CHD7: variants seen among roughly 807,000 people sequenced by gnomAD.
CHD7 encodes chromodomain helicase DNA binding protein 7.
A neutral mutation model predicts 307.3 loss-of-function variants in CHD7; 24 were observed. The ratio of observed to expected loss-of-function variants is 0.08; its 90% CI spans 0.06 to 0.11. The LOEUF (loss-of-function observed/expected upper bound fraction) is 0.11, where lower values mean the gene tolerates loss of function less well. Among genes scored for constraint, CHD7 ranks in the 10% least tolerant of loss-of-function variants. CHD7 has a pLI of 1.00. For synonymous variants in CHD7, 1,363 were observed against 1,349.9 expected, an observed-to-expected ratio of 1.01 and a Z score of -0.21; for missense variants, 3,106 against 3,727.1, an observed-to-expected ratio of 0.83 and a Z score of 4.34.
At chr8:60,706,261 A>G (rs879442585) in intron 1 of CHD7, among the ~76,000 whole-genome samples, 3 of 152,210 alleles carry the variant, frequency 2.0e-5, no homozygotes, top group Non-Finnish European at 4.4e-5. Context: ...TGGGTTAGGT[A>G]GTTGAACGAT....
chr8:60,760,266 G>A (rs1000516238), intron 2 of CHD7, among the ~76,000 whole-genome samples: 9 of 152,112 alleles, frequency 5.9e-5, no homozygotes, highest in African/African-American at 1.9e-4. Flanking sequence ...TTAATAAATG[G>A]TGCTGGGAAA....
chr8:60,745,118 A>G (rs2150585191), intron 2 of CHD7, among the ~76,000 whole-genome samples: 1 of 152,080 alleles, frequency 6.6e-6, no homozygotes, highest in Admixed American at 6.5e-5. Flanking sequence ...AAGCGGACCA[A>G]AAGTACTGTC....
chr8:60,780,490 G>A (rs559816470), intron 2 of CHD7, among the ~76,000 whole-genome samples: 9 of 152,272 alleles, frequency 5.9e-5, no homozygotes, highest in African/African-American at 1.9e-4. Flanking sequence ...GACTTGTATT[G>A]TATTAGATTT....
In CHD7 at chr8:60,836,122, G is replaced by A. The variant is rs1240303108; in HGVS notation, c.3828G>A (p.Glu1276=). The A allele has an allele frequency of 6.2e-7, 1 of 1,613,366 alleles. No individual in the cohort carries two copies. Among genetic ancestry groups the A allele is most frequent in the Admixed American group, 1.7e-5 (1 of 59,924 alleles). Residue 1276 remains glutamate, a synonymous_variant, in exon 16 of 38, where the codon GAG becomes GAA. Transcript: ENST00000423902. ...AGTTTAAAGAAACACACAATGCAGA[G>A]TCTCCAGATTTTCAGCTCCAGGCAA... ...LEEFKETHNA[E]SPDFQLQAMI...
chr8:60,725,798 T>G lies in CHD7; in HGVS notation c.-174-15461T>G, dbSNP rs73684554. Among the ~76,000 whole-genome samples, 784 of 152,288 alleles carry G rather than the reference T, an allele frequency of 5.1e-3. 7 individuals are homozygous for G. Among genetic ancestry groups the G allele is most frequent in the African/African-American group, 0.018 (733 of 41,564 alleles). ...ATTTCACTCTTCTGAGAAATTTGCTTCAGCTGACTCGCTTGTTTTAGGACC... is the reference window on the plus strand; with the variant it reads ...ATTTCACTCTTCTGAGAAATTTGCTGCAGCTGACTCGCTTGTTTTAGGACC... On this transcript the variant is annotated intron_variant, in intron 1 of 37. Coordinates refer to ENST00000423902, the MANE Select transcript of CHD7 (RefSeq NM_017780.4).
At chr8:60,825,107 A>G (rs1030467754) in intron 13 of CHD7, 2 of 152,238 alleles carry the variant, frequency 1.3e-5, no homozygotes, top group Non-Finnish European at 2.9e-5. Context: ...GGCTAATTTG[A>G]TCTTTTGTTA....
chr8:60,831,076 A>G (rs1164126187), intron 15 of CHD7, among the ~76,000 whole-genome samples: 1 of 152,168 alleles, frequency 6.6e-6, no homozygotes, highest in Non-Finnish European at 1.5e-5. Flanking sequence ...TAAAGCTTTG[A>G]TAATTTATGG....
At chr8:60,720,385 C>A (rs1447740109) in intron 1 of CHD7, among the ~76,000 whole-genome samples, 1 of 152,234 alleles carries the variant, frequency 6.6e-6, no homozygotes. Context: ...AAGGCTGTAT[C>A]AGTTCACATT....
intron 9 of CHD7, among the ~76,000 whole-genome samples, chr8:60,821,378 T>G (rs761600733): frequency 2.0e-5 from 3 of 152,136 alleles, no homozygotes; most frequent in Non-Finnish European, 4.4e-5. Flanking sequence ...TAATACTGTT[T>G]CCAGTTTAGA....
chr8:60,866,196 CTGCTT>C lies in CHD7; in HGVS notation c.*265_*269del. ...TTTTTAAGGAAACTTACATAATGCT[CTGCTT>C]TTTTTTTTTCTCTTGGTACCATTGG... On this transcript the variant is annotated 3_prime_UTR_variant, in exon 38 of 38. Coordinates refer to ENST00000423902, the MANE Select transcript of CHD7 (RefSeq NM_017780.4). 1 of 316,030 alleles carries C rather than the reference CTGCTT, an allele frequency of 3.2e-6. No individual in the cohort carries two copies. The highest frequency in any genetic ancestry group is 5.8e-6 in the Non-Finnish European group (1 of 172,624). 19.6% of individuals were successfully genotyped at this position (316,030 alleles called of 1,614,324 possible). A position where few individuals can be genotyped will look rare whatever the true frequency, so the allele number is the denominator to read the frequency against.
Position 60,856,769 on chromosome 8 carries a change from C to T in CHD7, c.7489C>T (p.Leu2497Phe), listed in dbSNP as rs771698896. The change falls in exon 34 of 38, where the codon CTC becomes TTC. Residue 2497 changes from leucine to phenylalanine, a missense_variant. Leu to Phe is a conservative substitution (Grantham distance 22). Around this residue, in one of 10 missense-constraint regions of CHD7, gnomAD observed 1,030 missense variants for 1,165.4 expected, o/e 0.88. Coordinates refer to ENST00000423902, the MANE Select transcript of CHD7 (RefSeq NM_017780.4). ...CCTTTCGCGCACACCCACAAGGCAT[C>T]TCCTTAATGGCTCCCTAGTGGATGG... ...AGLSRTPTRH[L>F]LNGSLVDGEP... 3.1e-6 allele frequency: 5 copies of T among 1,613,860 alleles called. No individual in the cohort carries two copies. Among genetic ancestry groups the T allele is most frequent in the Non-Finnish European group, 4.2e-6 (5 of 1,179,882 alleles).
At chr8:60,862,865 TA>T (rs1442736206) in intron 37 of CHD7, 18 of 551,836 alleles carry the variant, frequency 3.3e-5, no homozygotes, top group Non-Finnish European at 5.1e-5. Flanking sequence ...AAAAGGTTTG[TA>T]TGGAAACATA....
At chr8:60,728,419 A>G (rs1457406192) in intron 1 of CHD7, among the ~76,000 whole-genome samples, 1 of 151,920 alleles carries the variant, frequency 6.6e-6, no homozygotes, top group Non-Finnish European at 1.5e-5. Context: ...TGGCAGGAGG[A>G]AGGAGTGTTA....
At chr8:60,835,984 A>G (rs929522418) in intron 15 of CHD7, 89 bp from the exon 16 acceptor site, 84 of 908,194 alleles carry the variant, frequency 9.2e-5, no homozygotes, top group South Asian at 4.8e-4. Context: ...TGGTTCCTAC[A>G]GTTTGCAATG....
chr8:60,822,292 A>T, intron 11 of CHD7, 147 bp downstream of exon 11: 2 of 705,464 alleles, frequency 2.8e-6, no homozygotes, highest in Non-Finnish European at 4.3e-6. Context: ...GTAATATTTA[A>T]TAAATATTAA....
intron 1 of CHD7, among the ~76,000 whole-genome samples, chr8:60,714,114 C>T (rs563515321): frequency 6.6e-6 from 1 of 151,674 alleles, no homozygotes; most frequent in Non-Finnish European, 1.5e-5. Context: ...CGGGCTGGGC[C>T]GCGCTTCCGG....
Position 60,856,553 on chromosome 8 carries a change from G to A in CHD7, c.7273G>A (p.Ala2425Thr). ...AKRRNLMEMV[A>T]QLRESQVVSE... ...GAGGCGAAATCTCATGGAGATGGTT[G>A]CCCAGCTTCGAGAGTCTCAGGTGGT... The change falls in exon 34 of 38, where the codon GCC becomes ACC. Residue 2425 changes from alanine (A) to threonine (T), a missense_variant. This residue lies in a region of CHD7 where 1,030 missense variants were observed against 1,165.4 expected (regional missense o/e 0.88). Transcript: ENST00000423902. The A allele has an allele frequency of 6.2e-7, 1 of 1,614,026 alleles. No individual in the cohort carries two copies. The highest frequency in any genetic ancestry group is 1.3e-5 in the African/African-American group (1 of 75,066).
In CHD7 at chr8:60,718,211, T is replaced by C. The variant is rs1807712295; in HGVS notation, c.-174-23048T>C. Among the ~76,000 whole-genome samples, 4 of 152,216 alleles carry C rather than the reference T, an allele frequency of 2.6e-5. No homozygotes were observed. In the South Asian group the frequency reaches 8.3e-4, roughly 32 times the overall value. On this transcript the variant is annotated intron_variant, in intron 1 of 37. Coordinates refer to ENST00000423902, the MANE Select transcript of CHD7 (RefSeq NM_017780.4). ...AAAGTTTGAAGTTGGTCGCGGTAGCTCACACCTGTAATCCCAGCACTTTGG... is the reference window on the plus strand; with the variant it reads ...AAAGTTTGAAGTTGGTCGCGGTAGCCCACACCTGTAATCCCAGCACTTTGG...
At chr8:60,731,649 G>A (rs1016091279) in intron 1 of CHD7, among the ~76,000 whole-genome samples, 1 of 152,168 alleles carries the variant, frequency 6.6e-6, no homozygotes, top group African/African-American at 2.4e-5. Context: ...CATCTCCTTT[G>A]TCAAATATAA....
Sources: gnomAD v4.1 joint callset for allele counts (sites outside exome capture counted in the v4.1 genomes callset) on GRCh38, gnomAD v4.1.1 for gene constraint, gnomAD v4.1.1 regional missense constraint, MANE v1.5 for transcripts, NCBI Gene and HGNC (gene_info 2026-07-23, HGNC 2026-07-21) for gene names.